Variants in MFSD2A observed in about 807,000 individuals in gnomAD.
MFSD2A encodes sodium-dependent lysophosphatidylcholine symporter 1.
Under a neutral mutation model 64.7 loss-of-function variants are expected in MFSD2A, and 27 were observed. That is an observed-to-expected ratio of 0.42 (90% confidence interval 0.31 to 0.58). The LOEUF (loss-of-function observed/expected upper bound fraction) is 0.58. Among genes scored for constraint, MFSD2A ranks in the 20% least tolerant of loss-of-function variants. MFSD2A has a pLI of 0.18. For synonymous variants in MFSD2A, 258 were observed against 273.4 expected (o/e 0.94, Z 0.55); for missense variants, 474 against 679.5 (o/e 0.70, Z 3.36).
At chr1:39,966,063 G>T (rs932084893) in intron 6 of MFSD2A, 49 bp downstream of exon 6, 1 of 1,597,380 alleles carries the variant, frequency 6.3e-7, no homozygotes, top group Non-Finnish European at 8.6e-7. Flanking sequence ...GAACAGTGAG[G>T]TGGTTTGTAG....
rs2124777348 is a variant in MFSD2A, at chr1:39,966,544, G to A, written c.715-57G>A. 3.5e-6 allele frequency: 5 copies of A among 1,417,318 alleles called. No homozygotes were observed. In the African/African-American group the frequency reaches 4.2e-5, roughly 12 times the overall value. 87.8% of individuals were successfully genotyped at this position (1,417,318 alleles called of 1,614,324 possible). On this transcript the variant is annotated intron_variant, in intron 6 of 13. Transcript: ENST00000372811. ...CATTGAGTGGGGCTGCTGGAACTGGGGTGCTGGGATGAGCTCAAACTGACC... is the reference window on the plus strand; with the variant it reads ...CATTGAGTGGGGCTGCTGGAACTGGAGTGCTGGGATGAGCTCAAACTGACC...
chr1:39,968,334 G>T lies in MFSD2A; in HGVS notation c.1209G>T (p.Trp403Cys). Residue 403 changes from tryptophan to cysteine, a missense_variant and splice_region_variant, in exon 12 of 14, where the codon TGG becomes TGT. By Grantham distance (215) the Trp-to-Cys change is radical. Coordinates refer to ENST00000372811, the MANE Select transcript of MFSD2A (RefSeq NM_032793.5). This position sits in a 1 kb window ranked among gnomAD's most constrained non-coding sequence, Gnocchi z 4.4. ...TCATGGCTGTCACTACTCTGCGCAG[G>T]TCCATGCTGCCTGATGTCATTGACG... ...ISVAAAFLLP[W>C]SMLPDVIDDF... The T allele has an allele frequency of 6.2e-7, 1 of 1,614,148 alleles. No homozygotes were observed. The highest frequency in any genetic ancestry group is 8.5e-7 in the Non-Finnish European group (1 of 1,180,008).
Position 39,967,189 on chromosome 1 carries a change from G to C in MFSD2A, c.1011+20G>C, listed in dbSNP as rs752959366. ...ATCATGGTGAGTGGGACCTGAGCAG[G>C]GGCGGGCAGCCTGGGCTGAGGTGAC... On this transcript the variant is annotated intron_variant, in intron 9 of 13. Transcript: ENST00000372811. 1.6e-5 allele frequency: 25 copies of C among 1,610,424 alleles called. No individual in the cohort carries two copies. In the South Asian group the frequency reaches 2.4e-4, roughly 16 times the overall value.
chr1:39,967,428 C>T (rs1230448341), intron 9 of MFSD2A, 200 bp from the exon 10 acceptor site: 1 of 630,644 alleles, frequency 1.6e-6, no homozygotes, highest in Non-Finnish European at 2.8e-6. Context: ...TTTGAGAGGG[C>T]AGCAGACAAG....
Position 39,966,861 on chromosome 1 carries a change from C to A in MFSD2A, c.856C>A (p.Arg286=). The part of the protein sequence containing the change: ...SEPIAYFRGL[R]LVMSHGPYIK... The stretch of plus-strand genomic sequence containing the variant: ...GCCAATCGCCTACTTCCGGGGCCTA[C>A]GGCTGGTCATGAGCCACGGCCCATA... The change falls in exon 8 of 14, where the codon CGG becomes AGG. Residue 286 remains arginine (R), a synonymous_variant. Coordinates refer to ENST00000372811, the MANE Select transcript of MFSD2A (RefSeq NM_032793.5). 2 of 1,613,982 alleles carry A rather than the reference C, an allele frequency of 1.2e-6. No individual in the cohort carries two copies. The highest frequency in any genetic ancestry group is 1.7e-5 in the Admixed American group (1 of 60,006).
chr1:39,956,485 G>A (rs1339172751), intron 1 of MFSD2A, among the ~76,000 whole-genome samples: 1 of 152,208 alleles, frequency 6.6e-6, no homozygotes, highest in Non-Finnish European at 1.5e-5. Context: ...CTGGTGCCGG[G>A]TGGGGACAGG....
In MFSD2A at chr1:39,968,235, T is replaced by A. The variant is rs1338163397; in HGVS notation, c.1209-99T>A. On this transcript the variant is annotated intron_variant, in intron 11 of 13. Coordinates refer to ENST00000372811, the MANE Select transcript of MFSD2A (RefSeq NM_032793.5). This position sits in a 1 kb window ranked among gnomAD's most constrained non-coding sequence, Gnocchi z 4.4. Reference sequence around the variant, plus strand: ...GGTCCCATATCCTCACTGAGCTGTGTACCCATGGTACTGCAAGCTTCCAGA... The same window carrying A: ...GGTCCCATATCCTCACTGAGCTGTGAACCCATGGTACTGCAAGCTTCCAGA... The A allele has an allele frequency of 7.0e-7, 1 of 1,429,008 alleles. No individual in the cohort carries two copies. The highest frequency in any genetic ancestry group is 9.8e-7 in the Non-Finnish European group (1 of 1,023,802). The allele number at this position is 1,429,008 out of a possible 1,614,324, so 88.5% of individuals were successfully genotyped here.
At position 39,955,772 on chromosome 1, in the gene MFSD2A, C is replaced by T. The variant is rs1366213133; in HGVS notation, c.93+387C>T. ...CATCTCTCATCCCCTACCTCCCACT[C>T]CACCCACCTACTCTTGCGCCTCAAC... On this transcript the variant is annotated intron_variant, in intron 1 of 13. Transcript: ENST00000372811. The surrounding 1 kb of genome is among the most constrained non-coding windows in gnomAD (Gnocchi z 5.9). 1.6e-5 allele frequency: 7 copies of T among 436,978 alleles called. No individual in the cohort carries two copies. Among genetic ancestry groups the T allele is most frequent in the Non-Finnish European group, 2.7e-5 (6 of 223,812 alleles). The allele number at this position is 436,978 out of a possible 1,614,324, so 27.1% of individuals were successfully genotyped here.
At position 39,958,706 on chromosome 1, in the gene MFSD2A, C is replaced by T. The variant is rs1644976367; in HGVS notation, c.234C>T (p.Gly78=). The T allele has an allele frequency of 6.2e-7, 1 of 1,614,024 alleles. No homozygotes were observed. Among genetic ancestry groups the T allele is most frequent in the Non-Finnish European group, 8.5e-7 (1 of 1,180,028 alleles). ...QIYLLDVAQV[G]PFSASIILFV... ...TTTGCTTCTCCTCATTCCAGGTGGG[C>T]CCTTTCTCTGCCTCCATCATCCTGT... Residue 78 remains glycine, a synonymous_variant, in exon 3 of 14, where the codon GGC becomes GGT. Coordinates refer to ENST00000372811, the MANE Select transcript of MFSD2A (RefSeq NM_032793.5). The surrounding 1 kb of genome is among the most constrained non-coding windows in gnomAD (Gnocchi z 4.7).
chr1:39,968,831 A>AT lies in MFSD2A; in HGVS notation c.1529+86_1529+87insT. ...TTGTGTCTCCTGTGGCCAAGTCCAG[A>AT]CTCACCCCCCACACATCTTCTCTGG... On this transcript the variant is annotated intron_variant, in intron 13 of 13. Transcript: ENST00000372811. This position sits in a 1 kb window ranked among gnomAD's most constrained non-coding sequence, Gnocchi z 4.4. 4 of 1,440,778 alleles carry AT rather than the reference A, an allele frequency of 2.8e-6. No homozygotes were observed. Among genetic ancestry groups the AT allele is most frequent in the Admixed American group, 3.8e-5 (2 of 53,208 alleles). The allele number at this position is 1,440,778 out of a possible 1,614,324, so 89.2% of individuals were successfully genotyped here.
chr1:39,965,080 C>A lies in MFSD2A; in HGVS notation c.354-131C>A. 7.7e-7 allele frequency: 1 copy of A among 1,291,928 alleles called. No individual in the cohort carries two copies. Among genetic ancestry groups the A allele is most frequent in the Non-Finnish European group, 1.1e-6 (1 of 947,640 alleles). The allele number at this position is 1,291,928 out of a possible 1,614,324, so 80.0% of individuals were successfully genotyped here. A position where few individuals can be genotyped will look rare whatever the true frequency, so the allele number is the denominator to read the frequency against. On this transcript the variant is annotated intron_variant, in intron 3 of 13. Coordinates refer to ENST00000372811, the MANE Select transcript of MFSD2A (RefSeq NM_032793.5). This position sits in a 1 kb window ranked among gnomAD's most constrained non-coding sequence, Gnocchi z 5.5. The stretch of plus-strand genomic sequence containing the variant: ...AGAGGCCCAGGATGGGTGGATTTGG[C>A]AGGAGTATGGGGAAGGAAGGAAGAG...
Position 39,965,240 on chromosome 1 carries a change from T to C in MFSD2A, c.383T>C (p.Ile128Thr), listed in dbSNP as rs1335138661. ...WIIFSTPLAV[I>T]AYFLIWFVPD... ...ATCTTCTCCACGCCCCTGGCCGTCA[T>C]TGCCTACTTCCTCATCTGGTTCGTG... is the stretch of plus-strand genomic sequence containing the variant. The change falls in exon 4 of 14, where the codon ATT becomes ACT. Residue 128 changes from isoleucine (I) to threonine (T), a missense_variant. Coordinates refer to ENST00000372811, the MANE Select transcript of MFSD2A (RefSeq NM_032793.5). This position sits in a 1 kb window ranked among gnomAD's most constrained non-coding sequence, Gnocchi z 5.5. The C allele has an allele frequency of 1.2e-6, 2 of 1,614,194 alleles. No individual in the cohort carries two copies. Among genetic ancestry groups the C allele is most frequent in the South Asian group, 1.1e-5 (1 of 91,090 alleles).
intron 2 of MFSD2A, 54 bp downstream of exon 2, chr1:39,957,275 T>C (rs1644951551): frequency 2.7e-6 from 4 of 1,497,564 alleles, no homozygotes; most frequent in South Asian, 1.4e-5. Context: ...TGGGAAAGAC[T>C]ATGCACCCCT....
Position 39,966,598 on chromosome 1 carries a change from T to C in MFSD2A, c.715-3T>C, listed in dbSNP as rs768126365. 5.0e-5 allele frequency: 81 copies of C among 1,610,258 alleles called. No individual in the cohort carries two copies. The highest frequency in any genetic ancestry group is 6.8e-5 in the Non-Finnish European group (80 of 1,178,020). ...CTTGTATGTCGCCTTCACCTCCTTA[T>C]AGCAAAAGGCATACCTGCTGGCAGC... On this transcript the variant is annotated splice_region_variant and splice_polypyrimidine_tract_variant and intron_variant, in intron 6 of 13. Transcript: ENST00000372811.
Position 39,963,251 on chromosome 1 carries a change from C to T in MFSD2A, c.354-1960C>T. 1 of 1,533,362 alleles carries T rather than the reference C, an allele frequency of 6.5e-7. No homozygotes were observed. The highest frequency in any genetic ancestry group is 8.9e-7 in the Non-Finnish European group (1 of 1,123,452). 95.0% of individuals were successfully genotyped at this position (1,533,362 alleles called of 1,614,324 possible). A position where few individuals can be genotyped will look rare whatever the true frequency, so the allele number is the denominator to read the frequency against. On this transcript the variant is annotated intron_variant, in intron 3 of 13. Transcript: ENST00000372811. This position sits in a 1 kb window ranked among gnomAD's most constrained non-coding sequence, Gnocchi z 4.2. ...GGGGCTGCACTGCCACCCTGGGCAG[C>T]TTTGCCAAGGGCACCTTTGATGCCA... is the stretch of plus-strand genomic sequence containing the variant.
In MFSD2A at chr1:39,955,523, C is replaced by A; in HGVS notation, c.93+138C>A. On this transcript the variant is annotated intron_variant, in intron 1 of 13. Coordinates refer to ENST00000372811, the MANE Select transcript of MFSD2A (RefSeq NM_032793.5). The surrounding 1 kb of genome is among the most constrained non-coding windows in gnomAD (Gnocchi z 5.9). ...AGGAAGCCTACGAGCCAGAGAGGAC[C>A]TGGGGGTGCCCTGGGACAGGGGGTG... 1 of 951,256 alleles carries A rather than the reference C, an allele frequency of 1.1e-6. No individual in the cohort carries two copies. Among genetic ancestry groups the A allele is most frequent in the Non-Finnish European group, 1.6e-6 (1 of 614,706 alleles). 58.9% of individuals were successfully genotyped at this position (951,256 alleles called of 1,614,324 possible).
chr1:39,956,519 C>A (rs1411749705), intron 1 of MFSD2A, among the ~76,000 whole-genome samples: 1 of 152,176 alleles, frequency 6.6e-6, no homozygotes, highest in Non-Finnish European at 1.5e-5. Context: ...CATGCTCCCC[C>A]TGAAACCTGG....
intron 3 of MFSD2A, among the ~76,000 whole-genome samples, chr1:39,962,090 T>C (rs1330157647): frequency 6.6e-6 from 1 of 152,264 alleles, no homozygotes; most frequent in Non-Finnish European, 1.5e-5. Context: ...ACTTCAATCC[T>C]GTGAACTAGA....
At position 39,963,311 on chromosome 1, in the gene MFSD2A, C is replaced by G. The variant is rs1370668185; in HGVS notation, c.354-1900C>G. The G allele has an allele frequency of 5.4e-6, 7 of 1,288,446 alleles. No homozygotes were observed. The highest frequency in any genetic ancestry group is 7.7e-6 in the Non-Finnish European group (7 of 911,558). 79.8% of individuals were successfully genotyped at this position (1,288,446 alleles called of 1,614,324 possible). Reference sequence around the variant, plus strand: ...CCTACAGCTACCTGACCCCCGACCTCTGGAAGGAGACTGTATTCACCAAGT... The same window carrying G: ...CCTACAGCTACCTGACCCCCGACCTGTGGAAGGAGACTGTATTCACCAAGT... On this transcript the variant is annotated intron_variant, in intron 3 of 13. Coordinates refer to ENST00000372811, the MANE Select transcript of MFSD2A (RefSeq NM_032793.5). The surrounding 1 kb of genome is among the most constrained non-coding windows in gnomAD (Gnocchi z 4.2).
Sources: allele counts gnomAD v4.1 joint callset (sites outside exome capture counted in the v4.1 genomes callset), GRCh38; gene constraint gnomAD v4.1.1; non-coding constraint Gnocchi (gnomAD v3.1); transcripts MANE v1.5; gene names NCBI Gene and HGNC (gene_info 2026-07-23, HGNC 2026-07-21).